SEMA3C: variants seen among roughly 807,000 people sequenced by gnomAD.
The protein encoded by SEMA3C is semaphorin-3C.
Under a neutral mutation model 89.4 loss-of-function variants are expected in SEMA3C, and 47 were observed. The ratio of observed to expected loss-of-function variants is 0.53; its 90% CI spans 0.42 to 0.67. The LOEUF (loss-of-function observed/expected upper bound fraction) is 0.67, where lower values mean the gene tolerates loss of function less well. Ranked by LOEUF, SEMA3C falls within the 30% of genes least tolerant of loss-of-function variation. SEMA3C has a pLI of 0.00. For missense variants in SEMA3C, 839 were observed against 929.1 expected (o/e 0.90, Z 1.26); for synonymous variants, 310 against 320.2 (o/e 0.97, Z 0.34).
At chr7:80,827,228 C>T (rs888634319) in intron 4 of SEMA3C, among the ~76,000 whole-genome samples, 197 bp downstream of exon 4, 1 of 151,954 alleles carries the variant, frequency 6.6e-6, no homozygotes, top group Non-Finnish European at 1.5e-5. Context: ...GCAATTTTTA[C>T]CCAGTTAGGA....
chr7:80,794,191 C>T (rs1045969518), intron 11 of SEMA3C, among the ~76,000 whole-genome samples: 10 of 151,794 alleles, frequency 6.6e-5, no homozygotes, highest in African/African-American at 2.4e-4. Context: ...GTATGCTGTA[C>T]CCTTCATCTG....
intron 2 of SEMA3C, among the ~76,000 whole-genome samples, chr7:80,835,024 T>C (rs540251313): frequency 5.9e-5 from 9 of 152,174 alleles, no homozygotes; most frequent in Non-Finnish European, 1.0e-4. Flanking sequence ...GCCAATTGTA[T>C]ACCTGTCAAA....
chr7:80,758,476 C>G lies in SEMA3C; in HGVS notation c.1498G>C (p.Val500Leu), dbSNP rs1286072985. 9 of 1,613,534 alleles carry G rather than the reference C, an allele frequency of 5.6e-6. No individual in the cohort carries two copies. Among genetic ancestry groups the G allele is most frequent in the African/African-American group, 1.3e-5 (1 of 74,896 alleles). Residue 500 changes from valine to leucine, a missense_variant, in exon 15 of 18, where the codon GTG becomes CTG. Coordinates refer to ENST00000265361, the MANE Select transcript of SEMA3C (RefSeq NM_006379.5). ...TGGGAAACCCCTTCATTGGAACTCACATACAACTGTTGCTATTAAAGGAAT... is the reference window on the plus strand; with the variant it reads ...TGGGAAACCCCTTCATTGGAACTCAGATACAACTGTTGCTATTAAAGGAAT... The part of the protein sequence containing the change: ...KISSKKQQLY[V>L]SSNEGVSQVS...
chr7:80,851,662 A>T (rs1383538431), intron 2 of SEMA3C, among the ~76,000 whole-genome samples: 1 of 152,100 alleles, frequency 6.6e-6, no homozygotes, highest in Middle Eastern at 3.2e-3. Context: ...TGCCAGAATC[A>T]GCTGAGAGGG....
At chr7:80,817,371 C>T (rs967535784) in intron 5 of SEMA3C, among the ~76,000 whole-genome samples, 4 of 152,078 alleles carry the variant, frequency 2.6e-5, no homozygotes, top group South Asian at 2.1e-4. Flanking sequence ...ATTCTAATCT[C>T]TAAAATCAAA....
At chr7:80,836,363 T>C (rs1373652217) in intron 2 of SEMA3C, among the ~76,000 whole-genome samples, 1 of 152,086 alleles carries the variant, frequency 6.6e-6, no homozygotes, top group Non-Finnish European at 1.5e-5. Flanking sequence ...GAAACAACTA[T>C]ACGCAGGGAA....
chr7:80,822,158 C>G, intron 4 of SEMA3C, among the ~76,000 whole-genome samples: 1 of 152,038 alleles, frequency 6.6e-6, no homozygotes, highest in East Asian at 1.9e-4. Flanking sequence ...TGAATAGACT[C>G]AATCAATGCC....
chr7:80,765,442 A>G (rs1421332611), intron 12 of SEMA3C, among the ~76,000 whole-genome samples, 199 bp from the exon 13 acceptor site: 1 of 152,240 alleles, frequency 6.6e-6, no homozygotes, highest in East Asian at 1.9e-4. Flanking sequence ...AAGGGGAACT[A>G]ATATGAATAT....
At chr7:80,868,929 A>T (rs973081667) in intron 2 of SEMA3C, among the ~76,000 whole-genome samples, 7 of 152,196 alleles carry the variant, frequency 4.6e-5, no homozygotes, top group African/African-American at 1.7e-4. Context: ...TTTTCAAAGG[A>T]AATGCTGCAT....
intron 12 of SEMA3C, among the ~76,000 whole-genome samples, chr7:80,768,025 A>G (rs1307371500): frequency 6.6e-6 from 1 of 152,252 alleles, no homozygotes; most frequent in Admixed American, 6.5e-5. Context: ...GTTTGCCAGA[A>G]TAATGCCTGA....
intron 2 of SEMA3C, among the ~76,000 whole-genome samples, chr7:80,835,195 T>C (rs922381455): frequency 1.3e-5 from 2 of 152,152 alleles, no homozygotes; most frequent in African/African-American, 4.8e-5. Context: ...AAATTCATGA[T>C]GTGTTATTAA....
intron 2 of SEMA3C, among the ~76,000 whole-genome samples, chr7:80,870,843 C>A (rs116503624): frequency 2.2e-3 from 342 of 152,234 alleles, no homozygotes; most frequent in African/African-American, 7.7e-3. Flanking sequence ...GACACTTGTG[C>A]CTTCTGGCTA....
intron 2 of SEMA3C, among the ~76,000 whole-genome samples, chr7:80,899,392 T>C (rs1791820604): frequency 2.0e-5 from 3 of 152,186 alleles, no homozygotes; most frequent in Admixed American, 2.0e-4. Flanking sequence ...CAAAAGTAAA[T>C]GCATTATTTT....
intron 12 of SEMA3C, among the ~76,000 whole-genome samples, chr7:80,778,778 A>G (rs183922660): frequency 7.8e-4 from 119 of 152,342 alleles, no homozygotes; most frequent in African/African-American, 2.6e-3. Context: ...GCACTCAGCT[A>G]TAACAGTGCC....
chr7:80,882,699 A>G (rs534653611), intron 2 of SEMA3C, among the ~76,000 whole-genome samples: 1 of 152,022 alleles, frequency 6.6e-6, no homozygotes, highest in East Asian at 1.9e-4. Flanking sequence ...TTGTATGCAT[A>G]GCTGGGTTCA....
chr7:80,754,053 T>C (rs1787998212), intron 15 of SEMA3C, among the ~76,000 whole-genome samples: 1 of 152,184 alleles, frequency 6.6e-6, no homozygotes, highest in Non-Finnish European at 1.5e-5. Context: ...CTCCCCTGCC[T>C]CAGCCTCCTG....
At chr7:80,868,819 G>C (rs1790990784) in intron 2 of SEMA3C, among the ~76,000 whole-genome samples, 2 of 152,072 alleles carry the variant, frequency 1.3e-5, no homozygotes, top group Admixed American at 6.6e-5. Flanking sequence ...GATATACCAG[G>C]TGTCATGAAA....
At chr7:80,758,226 T>C in intron 15 of SEMA3C, 105 bp downstream of exon 15, 1 of 1,250,416 alleles carries the variant, frequency 8.0e-7, no homozygotes, top group Non-Finnish European at 1.1e-6. Context: ...CTACCTTTAA[T>C]GTCATTTAAG....
intron 2 of SEMA3C, among the ~76,000 whole-genome samples, chr7:80,883,686 C>T (rs1791406087): frequency 6.6e-6 from 1 of 152,192 alleles, no homozygotes; most frequent in African/African-American, 2.4e-5. Context: ...TGAAGGCTCA[C>T]AATTTGCCCT....
Sources: allele counts gnomAD v4.1 joint callset (sites outside exome capture counted in the v4.1 genomes callset), GRCh38; gene constraint gnomAD v4.1.1; transcripts MANE v1.5; gene names NCBI Gene and HGNC (gene_info 2026-07-23, HGNC 2026-07-21).